The following RYR3 variants were observed in gnomAD, a reference collection of about 807,000 sequenced individuals.
RYR3 encodes ryanodine receptor 3.
A neutral mutation model predicts 584.3 loss-of-function variants in RYR3; 207 were observed. The ratio of observed to expected loss-of-function variants is 0.35; its 90% CI spans 0.32 to 0.40. The LOEUF (loss-of-function observed/expected upper bound fraction) is 0.40. Ranked by LOEUF, RYR3 falls within the 10% of genes least tolerant of loss-of-function variation. The pLI is 1.00. For synonymous variants in RYR3, 2,416 were observed against 2,248.5 expected, an observed-to-expected ratio of 1.07 and a Z score of -2.11; for missense variants, 5,616 against 6,089.2, an observed-to-expected ratio of 0.92 and a Z score of 2.59.
At chr15:33,697,507 T>C (rs1168321656) in intron 39 of RYR3, among the ~76,000 whole-genome samples, 4 of 152,212 alleles carry the variant, frequency 2.6e-5, no homozygotes, top group Middle Eastern at 3.2e-3. Context: ...TGTGAATTTA[T>C]ATTGGATGAC....
intron 36 of RYR3, among the ~76,000 whole-genome samples, chr15:33,664,082 C>T (rs1021347411): frequency 6.6e-6 from 1 of 152,138 alleles, no homozygotes; most frequent in Non-Finnish European, 1.5e-5. Flanking sequence ...TTCTGCCAAC[C>T]CTTGCAGAAG....
At chr15:33,485,263 C>G (rs780445335) in intron 2 of RYR3, among the ~76,000 whole-genome samples, 1 of 151,872 alleles carries the variant, frequency 6.6e-6, no homozygotes, top group Non-Finnish European at 1.5e-5. Flanking sequence ...AGGACAGAAG[C>G]CAATTTAGAG....
chr15:33,825,498 TA>T, intron 81 of RYR3, 104 bp from the exon 82 acceptor site: 1 of 708,514 alleles, frequency 1.4e-6, no homozygotes, highest in Non-Finnish European at 2.4e-6. Flanking sequence ...TTATTTACGA[TA>T]ACACAGGGGC....
At chr15:33,757,275 C>T (rs957383919) in intron 59 of RYR3, among the ~76,000 whole-genome samples, 200 bp from the exon 60 acceptor site, 4 of 152,124 alleles carry the variant, frequency 2.6e-5, no homozygotes, top group Non-Finnish European at 2.9e-5. Flanking sequence ...TGTCTCCTTT[C>T]ACATGCCCTT....
In RYR3 at chr15:33,662,536, C is replaced by G; in HGVS notation, c.5006C>G (p.Thr1669Ser). 6.2e-7 allele frequency: 1 copy of G among 1,614,034 alleles called. No individual in the cohort carries two copies. The change falls in exon 35 of 104, where the codon ACC becomes AGC. Residue 1669 changes from threonine (T) to serine (S), a missense_variant. Physicochemically the swap from Thr to Ser is moderately conservative, Grantham distance 58. Coordinates refer to ENST00000634891, the MANE Select transcript of RYR3 (RefSeq NM_001036.6). ...TCLKPGFRFS[T>S]PCFVVTGEDH... is the part of the protein sequence containing the mutation. The stretch of plus-strand genomic sequence containing the variant: ...CTCAAGCCCGGGTTCAGGTTCTCCA[C>G]CCCTTGCTTTGTTGTGACTGGTGAG...
chr15:33,435,011 G>A (rs1250456416), intron 1 of RYR3, among the ~76,000 whole-genome samples: 1 of 152,004 alleles, frequency 6.6e-6, no homozygotes, highest in Non-Finnish European at 1.5e-5. Context: ...TAGTAGAGAT[G>A]GGGTTTCACT....
At chr15:33,850,112 G>A (rs1025133373) in intron 94 of RYR3, 18 of 152,204 alleles carry the variant, frequency 1.2e-4, no homozygotes, top group African/African-American at 3.9e-4. Context: ...CAGGCACAAT[G>A]GTTCATGCCT....
chr15:33,585,841 G>A (rs906962607), intron 15 of RYR3, among the ~76,000 whole-genome samples, 157 bp from the exon 16 acceptor site: 15 of 152,278 alleles, frequency 9.9e-5, no homozygotes, highest in African/African-American at 3.6e-4. Flanking sequence ...TACCGGAAAT[G>A]ATGCATTTTT....
intron 1 of RYR3, among the ~76,000 whole-genome samples, chr15:33,470,420 T>C (rs1400337452): frequency 6.6e-6 from 1 of 151,914 alleles, no homozygotes; most frequent in African/African-American, 2.4e-5. Flanking sequence ...AAATCATACA[T>C]TTATAGTGGC....
intron 16 of RYR3, among the ~76,000 whole-genome samples, chr15:33,595,847 T>C (rs2059345816): frequency 6.6e-6 from 1 of 152,162 alleles, no homozygotes; most frequent in Non-Finnish European, 1.5e-5. Flanking sequence ...CTCAGTTTTT[T>C]TCCCTAAGCA....
At chr15:33,841,386 T>C (rs976188959) in intron 90 of RYR3, among the ~76,000 whole-genome samples, 5 of 152,226 alleles carry the variant, frequency 3.3e-5, no homozygotes, top group Non-Finnish European at 7.3e-5. Context: ...ATATTTATCA[T>C]GCTAAGTTTA....
intron 3 of RYR3, among the ~76,000 whole-genome samples, chr15:33,526,718 A>T (rs1466965921): frequency 6.6e-6 from 1 of 152,174 alleles, no homozygotes; most frequent in Non-Finnish European, 1.5e-5. Flanking sequence ...GGAAATATTT[A>T]ATGCATGCCT....
At chr15:33,789,108 A>G (rs556286841) in intron 67 of RYR3, among the ~76,000 whole-genome samples, 264 of 152,254 alleles carry the variant, frequency 1.7e-3, no homozygotes, top group African/African-American at 5.8e-3. Context: ...GCACCAAGAA[A>G]AAAGTGCGTT....
At chr15:33,586,312 C>T (rs753744254) in intron 16 of RYR3, among the ~76,000 whole-genome samples, 196 bp downstream of exon 16, 7 of 152,172 alleles carry the variant, frequency 4.6e-5, no homozygotes, top group Non-Finnish European at 7.3e-5. Flanking sequence ...CGGATGGTGC[C>T]GTGGGTTTCC....
chr15:33,758,292 A>T (rs549155262), intron 60 of RYR3, among the ~76,000 whole-genome samples: 2 of 152,128 alleles, frequency 1.3e-5, no homozygotes, highest in South Asian at 4.1e-4. Context: ...AGCGAGACAG[A>T]ACTGTTCACA....
At chr15:33,428,618 G>A (rs1305962053) in intron 1 of RYR3, among the ~76,000 whole-genome samples, 3 of 151,844 alleles carry the variant, frequency 2.0e-5, no homozygotes, top group Non-Finnish European at 4.4e-5. Flanking sequence ...TCCTCCAAGA[G>A]GAAGATGAGC....
chr15:33,682,179 T>A (rs555142788), intron 38 of RYR3, among the ~76,000 whole-genome samples: 9 of 152,266 alleles, frequency 5.9e-5, no homozygotes, highest in Non-Finnish European at 1.2e-4. Flanking sequence ...GGGCTTGGTT[T>A]CTAAAGTCAG....
Position 33,586,112 on chromosome 15 carries a change from A to G in RYR3, c.1784A>G (p.His595Arg). Residue 595 changes from histidine to arginine, a missense_variant, in exon 16 of 104, where the codon CAC (histidine) becomes CGC (arginine). Around this residue, in one of 9 missense-constraint regions of RYR3, gnomAD observed 1,284 missense variants for 1,344.6 expected, o/e 0.95. Transcript: ENST00000634891. ...CTGTTGGATAAGCACGGGCGGAATC[A>G]CAAGGTAGGTGTGGAAAGAACGGTG... ...ISLLDKHGRNHKVLDILCSLC... is the reference protein window; with the variant it reads ...ISLLDKHGRNRKVLDILCSLC... 2 of 1,586,370 alleles carry G rather than the reference A, an allele frequency of 1.3e-6. No individual in the cohort carries two copies. The highest frequency in any genetic ancestry group is 1.1e-5 in the South Asian group (1 of 90,552).
At chr15:33,383,487 G>C (rs2041352598) in intron 1 of RYR3, among the ~76,000 whole-genome samples, 1 of 151,462 alleles carries the variant, frequency 6.6e-6, no homozygotes, top group Admixed American at 6.6e-5. Flanking sequence ...CATTTTCATG[G>C]GGTCCACAAT....
Sources: allele counts gnomAD v4.1 joint callset (sites outside exome capture counted in the v4.1 genomes callset), GRCh38; gene constraint gnomAD v4.1.1; regional missense constraint gnomAD v4.1.1; transcripts MANE v1.5; gene names NCBI Gene and HGNC (gene_info 2026-07-23, HGNC 2026-07-21).